Variants in FNIP2 observed in about 807,000 individuals in gnomAD.
The protein encoded by FNIP2 is folliculin-interacting protein 2.
A neutral mutation model predicts 108.7 loss-of-function variants in FNIP2; 32 were observed. That is an observed-to-expected ratio of 0.29 (90% confidence interval 0.22 to 0.40). The LOEUF is 0.40. Ranked by LOEUF, FNIP2 falls within the 10% of genes least tolerant of loss-of-function variation. The pLI, the probability that FNIP2 is intolerant of heterozygous loss-of-function variation, is 1.00. For synonymous variants in FNIP2, 480 were observed against 496.7 expected (o/e 0.97, Z 0.45); for missense variants, 1,202 against 1,381.6 (o/e 0.87, Z 2.06).
Position 158,868,866 on chromosome 4 carries a change from G to A in FNIP2, c.2230G>A (p.Ala744Thr). ...RMKKMEERVK[A>T]CGPSLEASEA... ...GAAAAAAATGGAGGAACGGGTGAAG[G>A]CCTGTGGCCCCTCCTTGGAGGCCAG... Residue 744 changes from alanine (A) to threonine (T), a missense_variant, in exon 13 of 17, where the codon GCC becomes ACC. This residue lies in a region of FNIP2 where 878 missense variants were observed against 990.3 expected (regional missense o/e 0.89). Coordinates refer to ENST00000264433, the MANE Select transcript of FNIP2 (RefSeq NM_020840.3). This position sits in a 1 kb window ranked among gnomAD's most constrained non-coding sequence, Gnocchi z 4.6. The A allele has an allele frequency of 6.2e-7, 1 of 1,613,952 alleles. No individual in the cohort carries two copies. The highest frequency in any genetic ancestry group is 8.5e-7 in the Non-Finnish European group (1 of 1,179,890).
At position 158,891,468 on chromosome 4, in the gene FNIP2, T is replaced by C. The variant is rs1782274081; in HGVS notation, c.2972T>C (p.Ile991Thr). 6.2e-7 allele frequency: 1 copy of C among 1,603,680 alleles called. No homozygotes were observed. The highest frequency in any genetic ancestry group is 8.5e-7 in the Non-Finnish European group (1 of 1,174,682). Residue 991 changes from isoleucine (I) to threonine (T), a missense_variant, in exon 15 of 17, where the codon ATA becomes ACA. Coordinates refer to ENST00000264433, the MANE Select transcript of FNIP2 (RefSeq NM_020840.3). ...CAGCATCCAGTCCTGGATGAGCCAATAGCTGAAGCTGTCTGTATTATCGCA... is the reference window on the plus strand; with the variant it reads ...CAGCATCCAGTCCTGGATGAGCCAACAGCTGAAGCTGTCTGTATTATCGCA... ...TVHHPVLDEPIAEAVCIIADT... is the reference protein window; with the variant it reads ...TVHHPVLDEPTAEAVCIIADT...
At chr4:158,885,499 G>A (rs1305892642) in intron 14 of FNIP2, among the ~76,000 whole-genome samples, 1 of 152,192 alleles carries the variant, frequency 6.6e-6, no homozygotes, top group Non-Finnish European at 1.5e-5. Flanking sequence ...TTTAGGTAAA[G>A]TACATAAACT....
chr4:158,823,423 G>A (rs768571634), intron 1 of FNIP2, among the ~76,000 whole-genome samples: 9 of 152,064 alleles, frequency 5.9e-5, no homozygotes, highest in African/African-American at 1.4e-4. Context: ...CCACTAGTGC[G>A]CCTGGCTAAT....
chr4:158,899,330 C>T (rs752151274), intron 16 of FNIP2, among the ~76,000 whole-genome samples: 4 of 152,082 alleles, frequency 2.6e-5, no homozygotes, highest in Non-Finnish European at 4.4e-5. Context: ...GGGTCTCTGC[C>T]AGGTTTTGCT....
intron 14 of FNIP2, among the ~76,000 whole-genome samples, chr4:158,872,944 T>C (rs1259952364): frequency 6.6e-6 from 1 of 152,122 alleles, no homozygotes; most frequent in Non-Finnish European, 1.5e-5. Context: ...GCTGAAATAA[T>C]AGCTTGTTGA....
At chr4:158,812,036 C>T (rs546287268) in intron 1 of FNIP2, among the ~76,000 whole-genome samples, 45 of 152,246 alleles carry the variant, frequency 3.0e-4, no homozygotes, top group Middle Eastern at 3.4e-3. Context: ...AATGATCCTT[C>T]GTGGGAATGT....
intron 1 of FNIP2, among the ~76,000 whole-genome samples, chr4:158,795,584 T>C (rs1776559632): frequency 6.6e-6 from 1 of 152,230 alleles, no homozygotes; most frequent in African/African-American, 2.4e-5. Context: ...CTTCCACACA[T>C]GTTCTGTTAC....
chr4:158,798,037 T>C (rs1285216485), intron 1 of FNIP2, among the ~76,000 whole-genome samples: 1 of 152,172 alleles, frequency 6.6e-6, no homozygotes, highest in Non-Finnish European at 1.5e-5. Flanking sequence ...CCAAGGCTTC[T>C]AGGTTTTTTT....
chr4:158,825,819 A>G (rs990530588), intron 1 of FNIP2, 97 bp from the exon 2 acceptor site: 1 of 1,430,940 alleles, frequency 7.0e-7, no homozygotes, highest in African/African-American at 1.4e-5. Context: ...TGGCCTTTTG[A>G]TGTGCACACA....
chr4:158,795,790 C>T (rs1776568416), intron 1 of FNIP2: 1 of 152,268 alleles, frequency 6.6e-6, no homozygotes, highest in Admixed American at 6.5e-5. Flanking sequence ...CTCACAGGAG[C>T]ACGAACCCTA....
At chr4:158,776,154 C>CT (rs1303613442) in intron 1 of FNIP2, among the ~76,000 whole-genome samples, 25 of 152,110 alleles carry the variant, frequency 1.6e-4, no homozygotes, top group Non-Finnish European at 3.4e-4. Context: ...TGCAGGGTGT[C>CT]TAAGTGAGAA....
intron 1 of FNIP2, among the ~76,000 whole-genome samples, chr4:158,816,851 GCT>G (rs1374420637): frequency 6.6e-6 from 1 of 151,098 alleles, no homozygotes; most frequent in Admixed American, 6.6e-5. Flanking sequence ...GAACAGTAAA[GCT>G]CTTTTTTTTT....
At chr4:158,774,178 A>G (rs978216151) in intron 1 of FNIP2, among the ~76,000 whole-genome samples, 2 of 152,244 alleles carry the variant, frequency 1.3e-5, no homozygotes, top group Admixed American at 1.3e-4. Flanking sequence ...TGTGAAAAAC[A>G]TTTAAAAATA....
intron 1 of FNIP2, among the ~76,000 whole-genome samples, chr4:158,790,214 C>T (rs535637458): frequency 1.2e-4 from 18 of 150,972 alleles, no homozygotes; most frequent in African/African-American, 3.2e-4. Flanking sequence ...TCTGAAAAAA[C>T]GCCAAATCCG....
chr4:158,770,125 C>T (rs1274779903), intron 1 of FNIP2, among the ~76,000 whole-genome samples: 1 of 152,170 alleles, frequency 6.6e-6, no homozygotes, highest in Non-Finnish European at 1.5e-5. Flanking sequence ...ACTTAGGCGG[C>T]TTGCCCAAAA....
At chr4:158,790,552 G>C (rs1329482234) in intron 1 of FNIP2, among the ~76,000 whole-genome samples, 1 of 151,932 alleles carries the variant, frequency 6.6e-6, no homozygotes, top group Non-Finnish European at 1.5e-5. Context: ...AGGAGTTTGG[G>C]ACCAGCCACG....
At chr4:158,772,695 G>C (rs1035698840) in intron 1 of FNIP2, among the ~76,000 whole-genome samples, 10 of 152,190 alleles carry the variant, frequency 6.6e-5, no homozygotes, top group African/African-American at 1.9e-4. Flanking sequence ...TATAGAGTTA[G>C]TATAAGTATA....
chr4:158,841,944 A>G (rs927138963), intron 7 of FNIP2, among the ~76,000 whole-genome samples: 4 of 152,230 alleles, frequency 2.6e-5, no homozygotes, highest in African/African-American at 9.6e-5. Context: ...TCTTCTTTTC[A>G]CTGTCTATGT....
At chr4:158,819,806 G>A (rs983555046) in intron 1 of FNIP2, among the ~76,000 whole-genome samples, 37 of 152,320 alleles carry the variant, frequency 2.4e-4, no homozygotes, top group East Asian at 7.7e-4. Context: ...TTTTCAGGGT[G>A]TAACTCTTTG....
Sources: gnomAD v4.1 joint callset for allele counts (sites outside exome capture counted in the v4.1 genomes callset) on GRCh38, gnomAD v4.1.1 for gene constraint, gnomAD v4.1.1 regional missense constraint, Gnocchi (gnomAD v3.1) non-coding constraint, MANE v1.5 for transcripts, NCBI Gene and HGNC (gene_info 2026-07-23, HGNC 2026-07-21) for gene names.